CFAP20DC: variants seen among roughly 807,000 people sequenced by gnomAD.
The protein encoded by CFAP20DC is CFAP20 domain containing, also known as protein CFAP20DC.
In CFAP20DC, 84 loss-of-function variants were observed where a neutral mutation model predicts 101.7. The ratio of observed to expected loss-of-function variants is 0.83; its 90% CI spans 0.69 to 0.99. The LOEUF is 0.99. Among genes scored for constraint, CFAP20DC ranks in the 50% least tolerant of loss-of-function variants. The pLI is 0.00. For missense variants in CFAP20DC, 1,007 were observed against 970.3 expected (o/e 1.04, Z -0.50); for synonymous variants, 359 against 351.2 (o/e 1.02, Z -0.25).
chr3:58,783,275 C>A lies in CFAP20DC; in HGVS notation c.2237+23120G>T, dbSNP rs144219903. On this transcript the variant is annotated intron_variant, in intron 15 of 16. Transcript: ENST00000482387. ...CCTACTTCTCATCATATACAAAAAT[C>A]AACTCAAGATGGATTCAAGACTTAA... is the stretch of plus-strand genomic sequence containing the variant. Among the ~76,000 whole-genome samples the A allele has an allele frequency of 5.8e-3, 880 of 151,858 alleles. 14 individuals carry two copies. Among genetic ancestry groups the A allele is most frequent in the Non-Finnish European group, 7.4e-3 (501 of 67,860 alleles).
Position 58,834,578 on chromosome 3 carries a change from C to T in CFAP20DC, c.1972-2689G>A, listed in dbSNP as rs551988108. Among the ~76,000 whole-genome samples, 5 of 152,210 alleles carry T rather than the reference C, an allele frequency of 3.3e-5. No homozygotes were observed. The South Asian group carries it at 1.0e-3, about 32-fold the overall frequency. The stretch of plus-strand genomic sequence containing the variant: ...AGAGAGGATGTGGCAGTGGTTAAGC[C>T]AGAAAAATCTAAGCCTGGGCCTTCG... On this transcript the variant is annotated intron_variant, in intron 13 of 16. Coordinates refer to ENST00000482387, the MANE Select transcript of CFAP20DC (RefSeq NM_001394063.1).
At chr3:58,766,735 G>C (rs1414664437) in intron 15 of CFAP20DC, among the ~76,000 whole-genome samples, 1 of 152,092 alleles carries the variant, frequency 6.6e-6, no homozygotes, top group African/African-American at 2.4e-5. Context: ...CTCTGGCCAC[G>C]CTGGTCTTCT....
intron 13 of CFAP20DC, among the ~76,000 whole-genome samples, chr3:58,832,635 G>T (rs1246996976): frequency 1.3e-5 from 2 of 152,158 alleles, no homozygotes; most frequent in Non-Finnish European, 2.9e-5. Context: ...GAACCTGTCA[G>T]TTCTGAAAGC....
chr3:58,861,542 G>A lies in CFAP20DC; in HGVS notation c.1593+2016C>T. On this transcript the variant is annotated intron_variant, in intron 12 of 16. Coordinates refer to ENST00000482387, the MANE Select transcript of CFAP20DC (RefSeq NM_001394063.1). The surrounding 1 kb of genome is among the most constrained non-coding windows in gnomAD (Gnocchi z 4.0). ...AAAAGAAATTACCAAAAGTACAAAA[G>A]AAAAAATCCAATTTTGTTAAGAAGG... 1.0e-6 allele frequency: 1 copy of A among 981,716 alleles called. No individual in the cohort carries two copies. Among genetic ancestry groups the A allele is most frequent in the Non-Finnish European group, 1.2e-6 (1 of 826,572 alleles). The allele number at this position is 981,716 out of a possible 1,614,324, so 60.8% of individuals were successfully genotyped here.
intron 14 of CFAP20DC, among the ~76,000 whole-genome samples, chr3:58,826,790 C>A (rs945623961): frequency 6.6e-6 from 1 of 152,122 alleles, no homozygotes; most frequent in Admixed American, 6.6e-5. Context: ...AATTCACAAC[C>A]AGGCCTGGGG....
At chr3:59,035,238 C>T (rs756553967) in intron 4 of CFAP20DC, among the ~76,000 whole-genome samples, 3 of 152,050 alleles carry the variant, frequency 2.0e-5, no homozygotes, top group East Asian at 1.9e-4. Flanking sequence ...CATCAGAAAG[C>T]GGGAAAGATC....
At chr3:58,986,989 T>A (rs1208279010) in intron 4 of CFAP20DC, among the ~76,000 whole-genome samples, 3 of 152,056 alleles carry the variant, frequency 2.0e-5, no homozygotes, top group Non-Finnish European at 4.4e-5. Context: ...GTAAATAGGA[T>A]ACCATAAACA....
chr3:58,995,148 T>A (rs910373352), intron 4 of CFAP20DC, among the ~76,000 whole-genome samples: 4 of 152,304 alleles, frequency 2.6e-5, no homozygotes, highest in Admixed American at 2.0e-4. Context: ...TCGCTGTACA[T>A]CCTTATGATG....
chr3:58,940,028 A>G (rs2088308273), intron 4 of CFAP20DC, among the ~76,000 whole-genome samples: 1 of 152,166 alleles, frequency 6.6e-6, no homozygotes, highest in African/African-American at 2.4e-5. Context: ...GGGCCTCCCA[A>G]AATGTTGGGA....
chr3:58,886,221 T>C (rs1457548666), intron 6 of CFAP20DC, among the ~76,000 whole-genome samples: 1 of 152,150 alleles, frequency 6.6e-6, no homozygotes. Context: ...AATAAGCGTT[T>C]ATAATTTCTG....
chr3:58,913,740 T>C lies in CFAP20DC; in HGVS notation c.518A>G (p.Lys173Arg), dbSNP rs2084387921. ...NCKLRKIFTL[K>R]SKPQDTADKD... ...ATCAGCAGTGTCTTGTGGCTTTGAT[T>C]TTAAGGTGAAGATCTTCCGTAGCTT... The change falls in exon 6 of 17, where the codon AAA becomes AGA. Residue 173 changes from lysine (K) to arginine (R), a missense_variant. Lys to Arg is a conservative substitution (Grantham distance 26). Transcript: ENST00000482387. This position sits in a 1 kb window ranked among gnomAD's most constrained non-coding sequence, Gnocchi z 4.4. The C allele has an allele frequency of 4.3e-6, 7 of 1,613,644 alleles. No homozygotes were observed. Among genetic ancestry groups the C allele is most frequent in the Non-Finnish European group, 5.9e-6 (7 of 1,179,818 alleles).
intron 10 of CFAP20DC, among the ~76,000 whole-genome samples, chr3:58,867,351 T>C (rs1307330981): frequency 6.6e-6 from 1 of 152,150 alleles, no homozygotes; most frequent in Non-Finnish European, 1.5e-5. Flanking sequence ...GCTTTACCAG[T>C]TGCAAAGAGT....
At chr3:58,928,794 A>G (rs1161080518) in intron 5 of CFAP20DC, among the ~76,000 whole-genome samples, 2 of 152,194 alleles carry the variant, frequency 1.3e-5, no homozygotes, top group African/African-American at 4.8e-5. Flanking sequence ...TAGATATGCT[A>G]TGACTGTTTT....
intron 15 of CFAP20DC, among the ~76,000 whole-genome samples, chr3:58,783,432 T>A (rs897612823): frequency 1.3e-5 from 2 of 151,886 alleles, no homozygotes; most frequent in African/African-American, 4.8e-5. Context: ...AATAGGACTA[T>A]ATTAAATAAA....
At chr3:58,805,498 T>C (rs115285043) in intron 15 of CFAP20DC, among the ~76,000 whole-genome samples, 1 of 152,332 alleles carries the variant, frequency 6.6e-6, no homozygotes, top group African/African-American at 2.4e-5. Flanking sequence ...AGCTAAGCTG[T>C]TTTGTAGTGT....
intron 14 of CFAP20DC, among the ~76,000 whole-genome samples, chr3:58,812,470 C>G (rs2074733296): frequency 6.6e-6 from 1 of 151,760 alleles, no homozygotes; most frequent in South Asian, 2.1e-4. Flanking sequence ...AAACCAAACA[C>G]CGCATATTCT....
At chr3:58,796,829 G>T (rs1310707534) in intron 15 of CFAP20DC, among the ~76,000 whole-genome samples, 1 of 152,140 alleles carries the variant, frequency 6.6e-6, no homozygotes, top group African/African-American at 2.4e-5. Context: ...CCACATTCTG[G>T]TAATTCTCTA....
chr3:58,781,852 C>G (rs1158838255), intron 15 of CFAP20DC, among the ~76,000 whole-genome samples: 2 of 151,662 alleles, frequency 1.3e-5, no homozygotes, highest in Non-Finnish European at 3.0e-5. Context: ...TTCCACCAAG[C>G]TTTCAAAGAA....
intron 4 of CFAP20DC, among the ~76,000 whole-genome samples, chr3:59,012,462 C>T (rs562315811): frequency 2.7e-5 from 4 of 150,744 alleles, no homozygotes; most frequent in Admixed American, 1.3e-4. Flanking sequence ...TGATAGTTTC[C>T]GGATCCTACC....
Sources: gnomAD v4.1 joint callset for allele counts (sites outside exome capture counted in the v4.1 genomes callset) on GRCh38, gnomAD v4.1.1 for gene constraint, Gnocchi (gnomAD v3.1) non-coding constraint, MANE v1.5 for transcripts, NCBI Gene and HGNC (gene_info 2026-07-23, HGNC 2026-07-21) for gene names.